Variants in MLXIPL observed in about 807,000 individuals in gnomAD.
MLXIPL encodes the protein MLX interacting protein like.
MLXIPL carries 49 observed loss-of-function variants against 81.5 expected under a neutral mutation model. That is an observed-to-expected ratio of 0.60 (90% CI 0.48 to 0.76). The LOEUF (loss-of-function observed/expected upper bound fraction) is 0.76. Among genes scored for constraint, MLXIPL ranks in the 30% least tolerant of loss-of-function variants. MLXIPL has a pLI of 0.00. For synonymous variants in MLXIPL, 466 were observed against 485.5 expected (o/e 0.96, Z 0.53); for missense variants, 1,053 against 1,167.0 (o/e 0.90, Z 1.42).
At chr7:73,607,268 C>G in intron 4 of MLXIPL, 63 bp downstream of exon 4, 2 of 1,483,176 alleles carry the variant, frequency 1.3e-6, no homozygotes, top group Non-Finnish European at 1.8e-6. Flanking sequence ...TCTTCCGAGG[C>G]GGGCGGTAGC....
rs1391396810 is a variant in MLXIPL, at chr7:73,606,966, GC to G, written c.618+7del. On this transcript the variant is annotated splice_region_variant and intron_variant, in intron 5 of 16. Transcript: ENST00000313375. ...TGCCCTTGCCTGCTGGACTTACAGA[GC>G]ACCCACCTGCTTAGGGGCCAGGAGG... The G allele has an allele frequency of 1.2e-6, 2 of 1,613,452 alleles. No individual in the cohort carries two copies. The highest frequency in any genetic ancestry group is 2.7e-5 in the African/African-American group (2 of 74,906).
the MLXIPL span, among the ~76,000 whole-genome samples, chr7:73,630,214 G>C: frequency 2.7e-5 from 4 of 150,546 alleles, no homozygotes; most frequent in Non-Finnish European, 5.9e-5. Context: ...AGCCAGGAAG[G>C]TCTCGATCTC....
the MLXIPL span, among the ~76,000 whole-genome samples, chr7:73,633,577 G>A: frequency 5.3e-5 from 8 of 152,034 alleles, no homozygotes; most frequent in East Asian, 5.8e-4. Context: ...CCTTGACCTC[G>A]CGAAGTACTG....
intron 15 of MLXIPL, among the ~76,000 whole-genome samples, chr7:73,595,368 C>T (rs1172555883): frequency 3.3e-5 from 5 of 152,278 alleles, no homozygotes; most frequent in African/African-American, 7.2e-5. Context: ...AAACTGCCCT[C>T]GGGGCTTCCT....
At chr7:73,602,122 GCCTGCCTGCCTT>G (rs1794895086) in intron 7 of MLXIPL, among the ~76,000 whole-genome samples, 4 of 59,610 alleles carry the variant, frequency 6.7e-5, no homozygotes, top group South Asian at 8.3e-4. Flanking sequence ...CTGCCTGCCT[GCCTGCCTGCCTT>G]CCTTCCTTCC....
chr7:73,630,183 C>T, the MLXIPL span, among the ~76,000 whole-genome samples: 1 of 151,180 alleles, frequency 6.6e-6, no homozygotes, highest in Non-Finnish European at 1.5e-5. Context: ...ACTTTTAGTA[C>T]AGGCGGGGTT....
At position 73,596,097 on chromosome 7, in the gene MLXIPL, G is replaced by T. The variant is rs1794269448; in HGVS notation, c.2058+56C>A. 6.2e-7 allele frequency: 1 copy of T among 1,601,526 alleles called. No homozygotes were observed. Among genetic ancestry groups the T allele is most frequent in the East Asian group, 2.2e-5 (1 of 44,684 alleles). Reference sequence around the variant, plus strand: ...CCTGCAATTGAGTTTTGGGTGGGGGGGGTCCAGAAAGGGGCCCTGTGGTTT... The same window carrying T: ...CCTGCAATTGAGTTTTGGGTGGGGGTGGTCCAGAAAGGGGCCCTGTGGTTT... On this transcript the variant is annotated intron_variant, in intron 13 of 16. Coordinates refer to ENST00000313375, the MANE Select transcript of MLXIPL (RefSeq NM_032951.3). This position sits in a 1 kb window ranked among gnomAD's most constrained non-coding sequence, Gnocchi z 4.7.
chr7:73,612,767 T>C (rs956570389), intron 2 of MLXIPL, among the ~76,000 whole-genome samples: 1 of 152,070 alleles, frequency 6.6e-6, no homozygotes, highest in African/African-American at 2.4e-5. Context: ...ACCATGTGGC[T>C]TCCTGGGGGC....
At chr7:73,598,894 C>T (rs991156926) in intron 8 of MLXIPL, among the ~76,000 whole-genome samples, 6 of 151,648 alleles carry the variant, frequency 4.0e-5, no homozygotes, top group South Asian at 2.1e-4. Context: ...CCGAGGCGGG[C>T]GGACTACTGA....
the MLXIPL span, among the ~76,000 whole-genome samples, chr7:73,637,414 G>A: frequency 6.6e-6 from 1 of 151,714 alleles, no homozygotes; most frequent in Non-Finnish European, 1.5e-5. Context: ...GGTGGAGTTT[G>A]CAGTGAGCTG....
the MLXIPL span, among the ~76,000 whole-genome samples, chr7:73,642,273 C>T: frequency 1.3e-5 from 2 of 152,116 alleles, no homozygotes; most frequent in East Asian, 1.9e-4. Context: ...ACCCTCCTAG[C>T]ACCTTGATGT....
intron 7 of MLXIPL, among the ~76,000 whole-genome samples, chr7:73,602,090 G>T (rs987689702): frequency 3.3e-4 from 48 of 145,132 alleles, no homozygotes; most frequent in African/African-American, 1.1e-3. Flanking sequence ...CTGCCTGCCT[G>T]CCTGCCTTCC....
chr7:73,602,795 TG>T (rs1229308811), intron 7 of MLXIPL, among the ~76,000 whole-genome samples: 5 of 152,196 alleles, frequency 3.3e-5, no homozygotes, highest in African/African-American at 1.2e-4. Context: ...ATCAGCCTCA[TG>T]CTGTGCCTGG....
intron 2 of MLXIPL, 42 bp downstream of exon 2, chr7:73,616,029 G>T: frequency 6.5e-7 from 1 of 1,531,996 alleles, no homozygotes; most frequent in African/African-American, 1.4e-5. Context: ...GGTTGGAGGG[G>T]GCAGTCCCTC....
chr7:73,595,904 C>T lies in MLXIPL; in HGVS notation c.2124G>A (p.Ala708=), dbSNP rs74447564. 2.4e-3 allele frequency: 3,800 copies of T among 1,613,108 alleles called. 64 individuals carry two copies. The African/African-American group carries it at 0.043, about 18-fold the overall frequency. Residue 708 remains alanine (A), a synonymous_variant, in exon 14 of 17, where the codon GCG becomes GCA. Transcript: ENST00000313375. ...GCTGCTGGGCCTCCTCCTGCAAGCC[C>T]GCACGCTCCTGCTGTAGCATAAGGA... ...EYILMLQQER[A]GLQEEAQQLR... is the part of the protein sequence containing the mutation.
chr7:73,596,458 C>T lies in MLXIPL; in HGVS notation c.1844G>A (p.Gly615Glu). The T allele has an allele frequency of 3.1e-6, 5 of 1,612,800 alleles. No homozygotes were observed. The highest frequency in any genetic ancestry group is 4.2e-6 in the Non-Finnish European group (5 of 1,179,966). ...APSGSERRLSGDLSSMPGPGT... is the reference protein window; with the variant it reads ...APSGSERRLSEDLSSMPGPGT... ...AGGGCCTGGCATGGAGCTGAGGTCC[C>T]CTGACAGCCGCCGTTCACTGCCTGT... Residue 615 changes from glycine (G) to glutamate (E), a missense_variant, in exon 12 of 17, where the codon GGG becomes GAG. Transcript: ENST00000313375. The surrounding 1 kb of genome is among the most constrained non-coding windows in gnomAD (Gnocchi z 4.7).
intron 8 of MLXIPL, among the ~76,000 whole-genome samples, chr7:73,598,168 C>T (rs1334705537): frequency 1.3e-5 from 2 of 152,206 alleles, no homozygotes; most frequent in East Asian, 3.9e-4. Flanking sequence ...AACCAACCCA[C>T]CCATCCATTC....
chr7:73,633,510 C>T, the MLXIPL span, among the ~76,000 whole-genome samples: 2 of 151,598 alleles, frequency 1.3e-5, no homozygotes, highest in East Asian at 1.9e-4. Flanking sequence ...TTTGTGGAGA[C>T]AGGGTTTCGT....
the MLXIPL span, among the ~76,000 whole-genome samples, chr7:73,645,677 G>A: frequency 6.6e-6 from 1 of 152,148 alleles, no homozygotes; most frequent in South Asian, 2.1e-4. Context: ...CAGTCCAGGC[G>A]AGCCCATTTA....
Sources: allele counts gnomAD v4.1 joint callset (sites outside exome capture counted in the v4.1 genomes callset), GRCh38; gene constraint gnomAD v4.1.1; non-coding constraint Gnocchi (gnomAD v3.1); transcripts MANE v1.5; gene names NCBI Gene and HGNC (gene_info 2026-07-23, HGNC 2026-07-21).